Variants in GALNT10 observed in about 807,000 individuals in gnomAD.
The protein encoded by GALNT10 is polypeptide N-acetylgalactosaminyltransferase 10.
In GALNT10, 41 loss-of-function variants were observed where a neutral mutation model predicts 75.0. That is an observed-to-expected ratio of 0.55 (90% CI 0.43 to 0.71). The LOEUF (loss-of-function observed/expected upper bound fraction) is 0.71. Among genes scored for constraint, GALNT10 ranks in the 30% least tolerant of loss-of-function variants. The pLI, the probability that GALNT10 is intolerant of heterozygous loss-of-function variation, is 0.00. For synonymous variants in GALNT10, 302 were observed against 313.0 expected (o/e 0.96, Z 0.37); for missense variants, 727 against 818.5 (o/e 0.89, Z 1.36).
chr5:154,284,917 C>CGAT (rs532565095), intron 1 of GALNT10, among the ~76,000 whole-genome samples: 24 of 152,068 alleles, frequency 1.6e-4, no homozygotes, highest in Non-Finnish European at 2.6e-4. Flanking sequence ...GATATAATGA[C>CGAT]GATAATAATA....
At chr5:154,276,184 G>A (rs1753948857) in intron 1 of GALNT10, among the ~76,000 whole-genome samples, 2 of 152,140 alleles carry the variant, frequency 1.3e-5, no homozygotes, top group South Asian at 4.1e-4. Context: ...TTTCAGCCAG[G>A]CTGGGCTCTT....
chr5:154,391,769 C>G (rs538549452), intron 7 of GALNT10, among the ~76,000 whole-genome samples: 1 of 152,234 alleles, frequency 6.6e-6, no homozygotes, highest in African/African-American at 2.4e-5. Flanking sequence ...TCATCTCACT[C>G]GGGCTAGGTC....
At chr5:154,378,965 C>A (rs1469397537) in intron 5 of GALNT10, among the ~76,000 whole-genome samples, 1 of 151,154 alleles carries the variant, frequency 6.6e-6, no homozygotes, top group African/African-American at 2.4e-5. Flanking sequence ...ATTAAGAATC[C>A]CCAGGGAATC....
chr5:154,311,660 G>A (rs560493290), intron 3 of GALNT10, among the ~76,000 whole-genome samples: 1 of 151,656 alleles, frequency 6.6e-6, no homozygotes, highest in East Asian at 1.9e-4. Context: ...TGCCCAGGCT[G>A]GAGTGCAGTG....
At chr5:154,309,106 G>C (rs901398026) in intron 3 of GALNT10, among the ~76,000 whole-genome samples, 1 of 152,184 alleles carries the variant, frequency 6.6e-6, no homozygotes, top group Admixed American at 6.5e-5. Flanking sequence ...TTTATTTCAG[G>C]GGTCAGGGAA....
Position 154,416,219 on chromosome 5 carries a change from C to A in GALNT10, c.1653+287C>A, listed in dbSNP as rs1333899844. 2.0e-5 allele frequency among the ~76,000 whole-genome samples: 3 copies of A among 152,068 alleles called. No homozygotes were observed. Among genetic ancestry groups the A allele is most frequent in the Non-Finnish European group, 1.5e-5 (1 of 68,018 alleles). On this transcript the variant is annotated intron_variant, in intron 11 of 11. Transcript: ENST00000297107. The surrounding 1 kb of genome is among the most constrained non-coding windows in gnomAD (Gnocchi z 4.5). The stretch of plus-strand genomic sequence containing the variant: ...CTTTGGGAGGCTGAGGTGGGTGGAT[C>A]ACCTGAGGTCAGGAGTTCGAGACTA...
intron 1 of GALNT10, among the ~76,000 whole-genome samples, chr5:154,198,032 G>T (rs1022159343): frequency 4.6e-5 from 7 of 152,304 alleles, no homozygotes; most frequent in Admixed American, 2.6e-4. Flanking sequence ...AGGGACCATT[G>T]CCCTAAGACA....
chr5:154,263,786 G>A (rs1277556180), intron 1 of GALNT10, among the ~76,000 whole-genome samples: 1 of 152,014 alleles, frequency 6.6e-6, no homozygotes, highest in African/African-American at 2.4e-5. Context: ...ACTCCCAAAG[G>A]CCCTACCTCC....
At chr5:154,226,023 A>T (rs1316736158) in intron 1 of GALNT10, among the ~76,000 whole-genome samples, 1 of 152,070 alleles carries the variant, frequency 6.6e-6, no homozygotes, top group African/African-American at 2.4e-5. Context: ...TAGGAGATAT[A>T]CCTAATGTTA....
chr5:154,384,776 CTTAGA>C (rs1208863221), intron 6 of GALNT10, among the ~76,000 whole-genome samples: 4 of 152,184 alleles, frequency 2.6e-5, no homozygotes, highest in Admixed American at 6.5e-5. Context: ...TGAACTGTGG[CTTAGA>C]TTAGAGATTC....
At chr5:154,263,761 C>T (rs552157229) in intron 1 of GALNT10, among the ~76,000 whole-genome samples, 1 of 152,188 alleles carries the variant, frequency 6.6e-6, no homozygotes, top group East Asian at 1.9e-4. Context: ...TAATCCAAGC[C>T]CTCATGACCC....
intron 1 of GALNT10, among the ~76,000 whole-genome samples, chr5:154,200,971 GT>G (rs11428195): frequency 3.3e-5 from 5 of 151,666 alleles, no homozygotes; most frequent in Non-Finnish European, 7.4e-5. Flanking sequence ...ACTAATTTCT[GT>G]TTTTTTTGTT....
At chr5:154,252,706 T>C (rs1006263124) in intron 1 of GALNT10, among the ~76,000 whole-genome samples, 23 of 152,170 alleles carry the variant, frequency 1.5e-4, no homozygotes, top group African/African-American at 5.3e-4. Context: ...TGTCCTGGGC[T>C]CTTTCAGTTT....
intron 1 of GALNT10, among the ~76,000 whole-genome samples, chr5:154,241,634 A>G (rs1019927423): frequency 3.3e-5 from 5 of 152,130 alleles, no homozygotes; most frequent in African/African-American, 9.7e-5. Context: ...CACTTAATAT[A>G]TTGTGAATAG....
rs75051041 is a variant in GALNT10, at chr5:154,192,061, G to A, written c.159+1036G>A. Among the ~76,000 whole-genome samples, 1,048 of 152,332 alleles carry A rather than the reference G, an allele frequency of 6.9e-3. 2 individuals are homozygous for A. Among genetic ancestry groups the A allele is most frequent in the Non-Finnish European group, 1.0e-2 (677 of 68,022 alleles). ...TGGAACATTTCAGGCTTTCTTACGG[G>A]ATTTCTCTGGTCCCATGAGAAGTGG... On this transcript the variant is annotated intron_variant, in intron 1 of 11. Coordinates refer to ENST00000297107, the MANE Select transcript of GALNT10 (RefSeq NM_198321.4).
At chr5:154,247,898 A>G (rs1393322941) in intron 1 of GALNT10, among the ~76,000 whole-genome samples, 5 of 152,206 alleles carry the variant, frequency 3.3e-5, no homozygotes, top group Non-Finnish European at 7.3e-5. Context: ...GCAGTTTTCA[A>G]AGGGAATGCT....
chr5:154,315,145 T>G (rs1290510702), intron 3 of GALNT10, among the ~76,000 whole-genome samples: 1 of 152,200 alleles, frequency 6.6e-6, no homozygotes. Flanking sequence ...ATAAAAATAA[T>G]TGATTCAGCT....
chr5:154,237,527 A>G (rs1007752673), intron 1 of GALNT10, among the ~76,000 whole-genome samples: 1 of 152,188 alleles, frequency 6.6e-6, no homozygotes, highest in Non-Finnish European at 1.5e-5. Flanking sequence ...TGACTCGGCT[A>G]TCTCTGTGAG....
At chr5:154,191,626 C>T (rs1413106479) in intron 1 of GALNT10, among the ~76,000 whole-genome samples, 3 of 152,166 alleles carry the variant, frequency 2.0e-5, no homozygotes, top group Non-Finnish European at 2.9e-5. Context: ...ATGTAAAGAT[C>T]ATGCTCCCTT....
Sources: allele counts gnomAD v4.1 joint callset (sites outside exome capture counted in the v4.1 genomes callset), GRCh38; gene constraint gnomAD v4.1.1; non-coding constraint Gnocchi (gnomAD v3.1); transcripts MANE v1.5; gene names NCBI Gene and HGNC (gene_info 2026-07-23, HGNC 2026-07-21).